PRKN: variants seen among roughly 807,000 people sequenced by gnomAD.
The protein encoded by PRKN is E3 ubiquitin-protein ligase parkin.
In PRKN, 56 loss-of-function variants were observed where a neutral mutation model predicts 59.5. The observed-to-expected ratio is 0.94, with a 90% CI of 0.76 to 1.18. The LOEUF (loss-of-function observed/expected upper bound fraction) is 1.18, where lower values mean the gene tolerates loss of function less well. Among genes scored for constraint, PRKN ranks in the 50% most tolerant of loss-of-function variants. PRKN has a pLI of 0.00. For synonymous variants in PRKN, 250 were observed against 222.1 expected (o/e 1.13, Z -1.12); for missense variants, 657 against 596.4 (o/e 1.10, Z -1.06).
At chr6:161,532,238 T>C (rs1398497191) in intron 9 of PRKN, among the ~76,000 whole-genome samples, 1 of 151,422 alleles carries the variant, frequency 6.6e-6, no homozygotes, top group East Asian at 1.9e-4. Context: ...TGCAGAAAAA[T>C]TTGCCTAGAG....
rs548588947 is a variant in PRKN, at chr6:161,631,940, A to G, written c.872-62524T>C. ...CTGTAGAAAGTATCTGGGAAGAAAA[A>G]CTAATAAAAAAATGTGTAAGTCGTT... On this transcript the variant is annotated intron_variant, in intron 7 of 11. Transcript: ENST00000366898. Among the ~76,000 whole-genome samples the G allele has an allele frequency of 3.9e-4, 60 of 152,310 alleles. 2 individuals carry two copies. In the South Asian group the frequency reaches 0.012, roughly 32 times the overall value.
At chr6:162,545,644 T>A (rs771348897) in intron 1 of PRKN, among the ~76,000 whole-genome samples, 5 of 152,282 alleles carry the variant, frequency 3.3e-5, no homozygotes, top group East Asian at 1.9e-4. Context: ...ATAGTATTTT[T>A]AAAAAATTAT....
chr6:162,529,557 A>T (rs1241794019), intron 1 of PRKN, among the ~76,000 whole-genome samples: 1 of 152,182 alleles, frequency 6.6e-6, no homozygotes, highest in East Asian at 1.9e-4. Context: ...GCCAAGTTCG[A>T]GGAAGCTGAG....
rs2115020838 is a variant in PRKN at position 161,417,909 on chromosome 6, C to A, written c.1084-31032G>T. Among the ~76,000 whole-genome samples the A allele has an allele frequency of 6.6e-6, 1 of 152,344 alleles. No homozygotes were observed. The highest frequency in any genetic ancestry group is 2.1e-4 in the South Asian group (1 of 4,826). On this transcript the variant is annotated intron_variant, in intron 9 of 11. Transcript: ENST00000366898. This position sits in a 1 kb window ranked among gnomAD's most constrained non-coding sequence, Gnocchi z 5.4. ...TTTCCACTCCAAACCTAGACGCAGA[C>A]TCAGTGGCCCACCCAGGGGCATGAG...
intron 1 of PRKN, among the ~76,000 whole-genome samples, chr6:162,490,737 C>T (rs1160093995): frequency 6.6e-5 from 10 of 152,212 alleles, no homozygotes; most frequent in African/African-American, 2.4e-4. Context: ...TATCCACACT[C>T]TCAATGCCTA....
Position 162,359,095 on chromosome 6 carries a change from T to TATATATAC in PRKN, c.171+84214_171+84215insGTATATAT, listed in dbSNP as rs1477670064. Among the ~76,000 whole-genome samples, 202 of 141,884 alleles carry TATATATAC rather than the reference T, an allele frequency of 1.4e-3. 1 individual carries two copies. Among genetic ancestry groups the TATATATAC allele is most frequent in the African/African-American group, 4.3e-3 (155 of 36,244 alleles). 93.1% of individuals were successfully genotyped at this position (141,884 alleles called of 152,430 possible). ...AAAAAAAAAAATATATATATATATATATGAAATCACTTTCTTCACATATCT... is the reference window on the plus strand; with the variant it reads ...AAAAAAAAAAATATATATATATATATATATATACATGAAATCACTTTCTTCACATATCT... On this transcript the variant is annotated intron_variant, in intron 2 of 11. Transcript: ENST00000366898.
At chr6:162,004,481 C>T (rs945943542) in intron 5 of PRKN, among the ~76,000 whole-genome samples, 2 of 152,150 alleles carry the variant, frequency 1.3e-5, no homozygotes, top group Non-Finnish European at 2.9e-5. Context: ...TAATACAGGC[C>T]ACCATAGACC....
chr6:162,413,179 C>T (rs1020171735), intron 2 of PRKN, among the ~76,000 whole-genome samples: 1 of 152,108 alleles, frequency 6.6e-6, no homozygotes, highest in Admixed American at 6.6e-5. Context: ...ATATAATTGG[C>T]TTTAAAAGAC....
chr6:161,723,381 C>T (rs181920844), intron 7 of PRKN, among the ~76,000 whole-genome samples: 1 of 152,188 alleles, frequency 6.6e-6, no homozygotes, highest in Admixed American at 6.5e-5. Context: ...ATGTTTTAAC[C>T]CAAAGTCTCT....
At chr6:162,080,793 A>G (rs1195113368) in intron 4 of PRKN, among the ~76,000 whole-genome samples, 4 of 152,042 alleles carry the variant, frequency 2.6e-5, no homozygotes, top group African/African-American at 9.7e-5. Context: ...CATTTCATAA[A>G]AGATTTCTCT....
chr6:161,528,167 A>G (rs1017469846), intron 9 of PRKN, among the ~76,000 whole-genome samples: 2 of 152,202 alleles, frequency 1.3e-5, no homozygotes, highest in African/African-American at 4.8e-5. Flanking sequence ...GACTTTACTT[A>G]GCCATGTCAT....
At chr6:162,358,927 G>C (rs1784999343) in intron 2 of PRKN, among the ~76,000 whole-genome samples, 1 of 151,144 alleles carries the variant, frequency 6.6e-6, no homozygotes. Context: ...GGGTGTGGTG[G>C]CGGCTGCCTG....
At chr6:161,770,054 A>G (rs1009792620) in intron 7 of PRKN, among the ~76,000 whole-genome samples, 1 of 152,144 alleles carries the variant, frequency 6.6e-6, no homozygotes, top group African/African-American at 2.4e-5. Flanking sequence ...TTACATTTAC[A>G]AAGCACAGGA....
intron 1 of PRKN, among the ~76,000 whole-genome samples, chr6:162,514,552 G>A (rs1328223745): frequency 6.6e-6 from 1 of 152,178 alleles, no homozygotes; most frequent in Non-Finnish European, 1.5e-5. Context: ...GCAAAAGTCT[G>A]GCCGTGATGG....
chr6:161,599,794 G>A lies in PRKN; in HGVS notation c.872-30378C>T, dbSNP rs141109260. Among the ~76,000 whole-genome samples, 4 of 152,262 alleles carry A rather than the reference G, an allele frequency of 2.6e-5. No homozygotes were observed. The East Asian group carries it at 7.7e-4, about 29-fold the overall frequency. On this transcript the variant is annotated intron_variant, in intron 7 of 11. Transcript: ENST00000366898. Reference sequence around the variant, plus strand: ...TTCTATTTCTCATTTGTTCTTAAAAGCCTCAAACACTCCCAAAGTATTTTC... The same window carrying A: ...TTCTATTTCTCATTTGTTCTTAAAAACCTCAAACACTCCCAAAGTATTTTC...
At chr6:161,701,269 T>C (rs1273887641) in intron 7 of PRKN, among the ~76,000 whole-genome samples, 1 of 152,222 alleles carries the variant, frequency 6.6e-6, no homozygotes, top group Non-Finnish European at 1.5e-5. Context: ...TGCCTTTCAA[T>C]TTTGAAACAC....
intron 7 of PRKN, among the ~76,000 whole-genome samples, chr6:161,687,608 C>T (rs1019359755): frequency 6.6e-6 from 1 of 150,888 alleles, no homozygotes; most frequent in African/African-American, 2.4e-5. Flanking sequence ...AGGCGCGAAC[C>T]ACCACGCCCG....
chr6:161,929,368 C>T (rs1779084328), intron 6 of PRKN, among the ~76,000 whole-genome samples: 1 of 151,988 alleles, frequency 6.6e-6, no homozygotes, highest in Non-Finnish European at 1.5e-5. Context: ...GGGAAATGGA[C>T]TAACTGCTTA....
At chr6:162,116,520 A>G (rs891558961) in intron 4 of PRKN, among the ~76,000 whole-genome samples, 3 of 152,206 alleles carry the variant, frequency 2.0e-5, no homozygotes, top group African/African-American at 7.2e-5. Flanking sequence ...ATCAGCTAGA[A>G]TCCAATCTGA....
Sources: gnomAD v4.1 joint callset for allele counts (sites outside exome capture counted in the v4.1 genomes callset) on GRCh38, gnomAD v4.1.1 for gene constraint, Gnocchi (gnomAD v3.1) non-coding constraint, MANE v1.5 for transcripts, NCBI Gene and HGNC (gene_info 2026-07-23, HGNC 2026-07-21) for gene names.